The following VAC14 variants were observed in gnomAD, a reference collection of about 807,000 sequenced individuals.
VAC14 encodes VAC14 component of PIKFYVE complex, also known as protein VAC14 homolog.
In VAC14, 47 loss-of-function variants were observed where a neutral mutation model predicts 85.3. The ratio of observed to expected loss-of-function variants is 0.55; its 90% confidence interval spans 0.44 to 0.70. The LOEUF is 0.70. Ranked by LOEUF, VAC14 falls within the 30% of genes least tolerant of loss-of-function variation. The pLI is 0.00. For synonymous variants in VAC14, 447 were observed against 430.5 expected (o/e 1.04, Z -0.47); for missense variants, 861 against 1,004.3 (o/e 0.86, Z 1.93).
chr16:70,722,044 C>T (rs952202808), intron 14 of VAC14, among the ~76,000 whole-genome samples: 3 of 152,274 alleles, frequency 2.0e-5, no homozygotes, highest in African/African-American at 7.2e-5. Flanking sequence ...GGACTGGGGA[C>T]GAGGGCAGAT....
At chr16:70,700,384 C>T (rs926664929) in intron 14 of VAC14, 1 of 152,244 alleles carries the variant, frequency 6.6e-6, no homozygotes, top group South Asian at 2.1e-4. Flanking sequence ...CCCTGCCATG[C>T]CGGGGGCTCC....
At chr16:70,754,208 G>A (rs2031638249) in intron 12 of VAC14, among the ~76,000 whole-genome samples, 1 of 152,216 alleles carries the variant, frequency 6.6e-6, no homozygotes, top group Admixed American at 6.5e-5. Flanking sequence ...TGTGCTCTGG[G>A]GTGGCTGCTG....
intron 14 of VAC14, among the ~76,000 whole-genome samples, chr16:70,700,399 G>C (rs2053801927): frequency 6.6e-6 from 1 of 152,222 alleles, no homozygotes; most frequent in Non-Finnish European, 1.5e-5. Context: ...GGCTCCCCTG[G>C]GGTTAGGTGG....
intron 12 of VAC14, among the ~76,000 whole-genome samples, chr16:70,753,961 C>T (rs989018938): frequency 1.3e-5 from 2 of 152,126 alleles, no homozygotes; most frequent in African/African-American, 4.8e-5. Context: ...CTGGGAGAGC[C>T]GCCTCCCTTT....
chr16:70,800,901 G>C lies in VAC14; in HGVS notation c.-1C>G. 1 of 1,583,646 alleles carries C rather than the reference G, an allele frequency of 6.3e-7. No homozygotes were observed. The highest frequency in any genetic ancestry group is 1.4e-5 in the African/African-American group (1 of 72,770). On this transcript the variant is annotated 5_prime_UTR_variant, in exon 1 of 19. Coordinates refer to ENST00000261776, the MANE Select transcript of VAC14 (RefSeq NM_018052.5). Reference sequence around the variant, plus strand: ...GCGCGAAATCCTTCTCGGGGTTCATGGTGGCAGCTGGGGGAACCTCGCGAC... The same window carrying C: ...GCGCGAAATCCTTCTCGGGGTTCATCGTGGCAGCTGGGGGAACCTCGCGAC...
chr16:70,770,290 T>G (rs925095703), intron 10 of VAC14: 1 of 152,114 alleles, frequency 6.6e-6, no homozygotes, highest in Non-Finnish European at 1.5e-5. Context: ...CCACCCAACT[T>G]TCTCCACATG....
intron 13 of VAC14, among the ~76,000 whole-genome samples, chr16:70,744,081 C>G (rs549488084): frequency 2.0e-5 from 3 of 152,126 alleles, no homozygotes; most frequent in African/African-American, 7.2e-5. Flanking sequence ...ACCCCAAGAC[C>G]GAAGCCCCTG....
intron 7 of VAC14, among the ~76,000 whole-genome samples, 195 bp downstream of exon 7, chr16:70,782,838 G>A (rs546658186): frequency 3.9e-5 from 6 of 152,304 alleles, no homozygotes; most frequent in African/African-American, 1.4e-4. Flanking sequence ...TCTCTGTGGT[G>A]ACAGAACCCA....
intron 1 of VAC14, among the ~76,000 whole-genome samples, chr16:70,793,892 C>G (rs1226622282): frequency 2.6e-5 from 4 of 152,174 alleles, no homozygotes; most frequent in Non-Finnish European, 5.9e-5. Context: ...TAAATGTTGG[C>G]TGGGCACCCA....
intron 12 of VAC14, chr16:70,755,213 C>T (rs1468424295): frequency 2.9e-6 from 1 of 348,500 alleles, no homozygotes; most frequent in Non-Finnish European, 5.8e-6. Context: ...GAGAGGGCTT[C>T]TGGACTGAGC....
chr16:70,772,187 G>C lies in VAC14; in HGVS notation c.1097-15C>G. The C allele has an allele frequency of 6.2e-7, 1 of 1,612,974 alleles. No individual in the cohort carries two copies. Among genetic ancestry groups the C allele is most frequent in the South Asian group, 1.1e-5 (1 of 91,050 alleles). On this transcript the variant is annotated splice_polypyrimidine_tract_variant and intron_variant, in intron 9 of 18. Coordinates refer to ENST00000261776, the MANE Select transcript of VAC14 (RefSeq NM_018052.5). ...ATCTGGACCTCCTGGGAGAGGAAGA[G>C]GAACAAGGGGTCATGAAAGGCTGTT... is the stretch of plus-strand genomic sequence containing the variant.
intron 14 of VAC14, among the ~76,000 whole-genome samples, chr16:70,725,791 G>A (rs1261708838): frequency 4.6e-5 from 7 of 152,158 alleles, no homozygotes; most frequent in Admixed American, 3.3e-4. Flanking sequence ...CTCTCCAAAT[G>A]CCCGCCTCAT....
At chr16:70,750,954 C>T (rs560831283) in intron 12 of VAC14, among the ~76,000 whole-genome samples, 1 of 152,294 alleles carries the variant, frequency 6.6e-6, no homozygotes, top group South Asian at 2.1e-4. Flanking sequence ...GGCTCGTTCT[C>T]ACCTCCCACC....
At chr16:70,688,858 C>G in intron 18 of VAC14, 2 of 985,560 alleles carry the variant, frequency 2.0e-6, no homozygotes, top group Non-Finnish European at 2.4e-6. Context: ...TCCTACTCAC[C>G]CTCCAGCAGT....
At chr16:70,791,222 C>T (rs1443621111) in intron 1 of VAC14, among the ~76,000 whole-genome samples, 1 of 152,226 alleles carries the variant, frequency 6.6e-6, no homozygotes, top group African/African-American at 2.4e-5. Context: ...TTCTACCCAG[C>T]CCTCAAAGTT....
At chr16:70,725,486 C>T (rs1355080081) in intron 14 of VAC14, among the ~76,000 whole-genome samples, 3 of 152,156 alleles carry the variant, frequency 2.0e-5, no homozygotes, top group Non-Finnish European at 4.4e-5. Flanking sequence ...CAGTTTCTAG[C>T]GGCTGCCCGG....
At chr16:70,690,151 G>A (rs2053571211) in intron 18 of VAC14, 1 of 985,698 alleles carries the variant, frequency 1.0e-6, no homozygotes, top group Non-Finnish European at 1.2e-6. Flanking sequence ...GGTGGGAAGA[G>A]TGGGCCACAT....
At chr16:70,751,265 C>T (rs1302488898) in intron 12 of VAC14, among the ~76,000 whole-genome samples, 1 of 152,210 alleles carries the variant, frequency 6.6e-6, no homozygotes, top group Non-Finnish European at 1.5e-5. Context: ...TGGGCCCTCT[C>T]CAGGCCTGGC....
chr16:70,770,327 TC>T (rs1352591997), intron 10 of VAC14: 3 of 152,264 alleles, frequency 2.0e-5, no homozygotes, highest in Admixed American at 1.3e-4. Context: ...TGAGCCCCCA[TC>T]CCCTCTGATG....
Sources: gnomAD v4.1 joint callset for allele counts (sites outside exome capture counted in the v4.1 genomes callset) on GRCh38, gnomAD v4.1.1 for gene constraint, MANE v1.5 for transcripts, NCBI Gene and HGNC (gene_info 2026-07-23, HGNC 2026-07-21) for gene names.